Variants in KCNQ2 observed in about 807,000 individuals in gnomAD.
KCNQ2 encodes the protein potassium voltage-gated channel subfamily Q member 2.
In KCNQ2, 14 loss-of-function variants were observed where a neutral mutation model predicts 84.8. That is an observed-to-expected ratio of 0.17 (90% confidence interval 0.11 to 0.26). The LOEUF (loss-of-function observed/expected upper bound fraction) is 0.26. Among genes scored for constraint, KCNQ2 ranks in the 10% least tolerant of loss-of-function variants. KCNQ2 has a pLI of 1.00. For missense variants in KCNQ2, 788 were observed against 1,254.0 expected, an observed-to-expected ratio of 0.63 and a Z score of 5.61; for synonymous variants, 599 against 554.1, an observed-to-expected ratio of 1.08 and a Z score of -1.14.
rs113645222 is a variant in KCNQ2 at position 63,444,394 on chromosome 20, G to A, written c.690+265C>T. Among the ~76,000 whole-genome samples, 40 of 152,274 alleles carry A rather than the reference G, an allele frequency of 2.6e-4. No individual in the cohort carries two copies. The East Asian group carries it at 6.8e-3, about 26-fold the overall frequency. On this transcript the variant is annotated intron_variant, in intron 4 of 16. Coordinates refer to ENST00000359125, the MANE Select transcript of KCNQ2 (RefSeq NM_172107.4). ...GCGGCAGGAAGGTGGGGGTGGCAGG[G>A]GCCAAAATGGCCTGGCCTGGCCTTT...
At chr20:63,463,684 C>G (rs1007495475) in intron 1 of KCNQ2, 4 of 152,256 alleles carry the variant, frequency 2.6e-5, no homozygotes, top group South Asian at 2.1e-4. Flanking sequence ...TCCCACTCAC[C>G]CTTCTCATGT....
At chr20:63,419,025 C>T (rs746981435) in intron 12 of KCNQ2, among the ~76,000 whole-genome samples, 8 of 152,124 alleles carry the variant, frequency 5.3e-5, no homozygotes, top group Admixed American at 1.3e-4. Flanking sequence ...AGACAGGGGA[C>T]GCGGGGACAG....
intron 4 of KCNQ2, among the ~76,000 whole-genome samples, chr20:63,443,165 CCAT>C (rs1228104324): frequency 0.011 from 1,350 of 122,152 alleles, 38 homozygotes; most frequent in Non-Finnish European, 0.016. Flanking sequence ...GGCGCCACCA[CCAT>C]CACATCACCA....
intron 1 of KCNQ2, among the ~76,000 whole-genome samples, chr20:63,449,802 G>A (rs977546956): frequency 6.6e-6 from 1 of 152,160 alleles, no homozygotes; most frequent in African/African-American, 2.4e-5. Context: ...GGAGGCAGAA[G>A]GACAGGGCCA....
In KCNQ2 at chr20:63,406,657, C is replaced by T. The variant is rs772995276; in HGVS notation, c.2606G>A (p.Gly869Glu). The T allele has an allele frequency of 6.3e-7, 1 of 1,593,426 alleles. No homozygotes were observed. The highest frequency in any genetic ancestry group is 8.5e-7 in the Non-Finnish European group (1 of 1,174,090). ...CCCAGCGCCGCCTCACTTCCTGGGCCCGGCCCAGCCCACGTCACCAAAGGG... is the reference window on the plus strand; with the variant it reads ...CCCAGCGCCGCCTCACTTCCTGGGCTCGGCCCAGCCCACGTCACCAAAGGG... ...EGPFGDVGWA[G>E]PRK The change falls in exon 17 of 17, where the codon GGG (glycine) becomes GAG (glutamate). Residue 869 changes from glycine to glutamate, a missense_variant. Physicochemically the swap from Gly to Glu is moderately conservative, Grantham distance 98. Around this residue, in one of 8 missense-constraint regions of KCNQ2, gnomAD observed 378 missense variants for 434.5 expected, o/e 0.87. Transcript: ENST00000359125.
chr20:63,433,172 A>G (rs1237967228), intron 8 of KCNQ2, among the ~76,000 whole-genome samples: 1 of 152,232 alleles, frequency 6.6e-6, no homozygotes, highest in African/African-American at 2.4e-5. Flanking sequence ...AACACGGGAA[A>G]GCCGCCCTCC....
chr20:63,407,235 G>C lies in KCNQ2; in HGVS notation c.2028C>G (p.Ser676Arg). 1 of 1,602,876 alleles carries C rather than the reference G, an allele frequency of 6.2e-7. No homozygotes were observed. The highest frequency in any genetic ancestry group is 1.3e-5 in the African/African-American group (1 of 75,064). ...PAPPYHSPED[S>R]REHVDRHGCI... The stretch of plus-strand genomic sequence containing the variant: ...AGCCGTGCCTGTCGACATGCTCCCG[G>C]CTGTCTTCCGGGCTGTGGTACGGCG... The change falls in exon 17 of 17, where the codon AGC becomes AGG. Residue 676 changes from serine (S) to arginine (R), a missense_variant. Ser to Arg is a moderately radical substitution (Grantham distance 110, BLOSUM62 -1). Transcript: ENST00000359125. This position sits in a 1 kb window ranked among gnomAD's most constrained non-coding sequence, Gnocchi z 7.2.
chr20:63,464,022 A>G (rs778592143), intron 1 of KCNQ2, among the ~76,000 whole-genome samples: 8 of 152,254 alleles, frequency 5.3e-5, no homozygotes, highest in Non-Finnish European at 1.2e-4. Context: ...ATGCTCTCCT[A>G]TGCATCCACA....
chr20:63,447,971 A>G (rs1385201938), intron 1 of KCNQ2: 1 of 152,122 alleles, frequency 6.6e-6, no homozygotes, highest in Non-Finnish European at 1.5e-5. Flanking sequence ...TCCCTTGCCC[A>G]CCCCAGGAAG....
intron 5 of KCNQ2, among the ~76,000 whole-genome samples, chr20:63,441,891 C>T (rs1241643747): frequency 6.6e-6 from 1 of 152,236 alleles, no homozygotes; most frequent in African/African-American, 2.4e-5. Context: ...GGGGTCTGGT[C>T]TCAGCCTCCC....
intron 1 of KCNQ2, among the ~76,000 whole-genome samples, chr20:63,448,895 G>A (rs957851315): frequency 6.6e-6 from 1 of 152,180 alleles, no homozygotes; most frequent in Non-Finnish European, 1.5e-5. Flanking sequence ...GAGCATCACA[G>A]CACCTGTCTA....
intron 15 of KCNQ2, among the ~76,000 whole-genome samples, chr20:63,409,254 CAA>C (rs766982665): frequency 2.6e-5 from 4 of 152,178 alleles, no homozygotes; most frequent in Non-Finnish European, 4.4e-5. Flanking sequence ...GTGCATTGCA[CAA>C]GTTTCTGTGT....
chr20:63,415,955 C>T (rs1329981528), intron 12 of KCNQ2, among the ~76,000 whole-genome samples: 1 of 152,160 alleles, frequency 6.6e-6, no homozygotes, highest in Non-Finnish European at 1.5e-5. Flanking sequence ...TGCGGTGGAC[C>T]CTTGTTCAGC....
chr20:63,420,932 C>A (rs536863438), intron 11 of KCNQ2, among the ~76,000 whole-genome samples: 1 of 152,168 alleles, frequency 6.6e-6, no homozygotes, highest in South Asian at 2.1e-4. Flanking sequence ...CGGCTCCCTG[C>A]GCCTGGCTTG....
intron 6 of KCNQ2, among the ~76,000 whole-genome samples, chr20:63,439,354 CT>C (rs1214496702): frequency 1.3e-5 from 2 of 152,248 alleles, no homozygotes; most frequent in African/African-American, 4.8e-5. Context: ...ACAGAGCCCC[CT>C]GAAGCTACAG....
intron 1 of KCNQ2, among the ~76,000 whole-genome samples, chr20:63,450,110 C>T (rs534685755): frequency 1.1e-3 from 164 of 146,542 alleles, no homozygotes; most frequent in African/African-American, 4.0e-3. Flanking sequence ...CACTTACAGG[C>T]CCCTCACCCC....
intron 1 of KCNQ2, among the ~76,000 whole-genome samples, chr20:63,469,241 A>C (rs1183565849): frequency 6.6e-6 from 1 of 152,206 alleles, no homozygotes; most frequent in Non-Finnish European, 1.5e-5. Flanking sequence ...CCATTTCTGC[A>C]GCTCACACTC....
intron 1 of KCNQ2, among the ~76,000 whole-genome samples, chr20:63,454,578 G>A (rs999759531): frequency 4.6e-5 from 7 of 152,252 alleles, no homozygotes; most frequent in Non-Finnish European, 1.0e-4. Flanking sequence ...CCAGCCATCC[G>A]GTCGGCCGAA....
intron 8 of KCNQ2, among the ~76,000 whole-genome samples, chr20:63,432,239 A>C (rs71191625): frequency 0.21 from 25,817 of 125,890 alleles, 3,337 homozygotes; most frequent in Non-Finnish European, 0.31. Context: ...CCCACAGGGA[A>C]GGATCCACCC....
Sources: allele counts gnomAD v4.1 joint callset (sites outside exome capture counted in the v4.1 genomes callset), GRCh38; gene constraint gnomAD v4.1.1; regional missense constraint gnomAD v4.1.1; non-coding constraint Gnocchi (gnomAD v3.1); transcripts MANE v1.5; gene names NCBI Gene and HGNC (gene_info 2026-07-23, HGNC 2026-07-21).